The following TPCN2 variants were observed in gnomAD, a reference collection of about 807,000 sequenced individuals.
TPCN2 encodes the protein two pore segment channel 2, also known as two pore channel protein 2.
Under a neutral mutation model 111.4 loss-of-function variants are expected in TPCN2, and 92 were observed. That is an observed-to-expected ratio of 0.83 (90% confidence interval 0.70 to 0.98). TPCN2 has a LOEUF of 0.98. TPCN2 is among the 50% of genes least tolerant of loss of function. The pLI is 0.00. For synonymous variants in TPCN2, 405 were observed against 414.5 expected (o/e 0.98, Z 0.28); for missense variants, 995 against 980.1 (o/e 1.02, Z -0.20).
In TPCN2 at chr11:69,081,446, A is replaced by G. The variant is rs1856005598; in HGVS notation, c.1636A>G (p.Met546Val). 3 of 1,574,372 alleles carry G rather than the reference A, an allele frequency of 1.9e-6. No homozygotes were observed. Among genetic ancestry groups the G allele is most frequent in the Non-Finnish European group, 1.7e-6 (2 of 1,159,868 alleles). The change falls in exon 18 of 25, where the codon ATG becomes GTG. Residue 546 changes from methionine (M) to valine (V), a missense_variant. Coordinates refer to ENST00000294309, the MANE Select transcript of TPCN2 (RefSeq NM_139075.4). ...GCTGTCGCTGTGGGACATGACCCGC[A>G]TGCTGAACATGCTCATCGTGTTCCG... ...GLLSLWDMTR[M>V]LNMLIVFRFL...
intron 19 of TPCN2, chr11:69,084,832 C>A (rs1328416968): frequency 4.1e-6 from 4 of 982,592 alleles, no homozygotes; most frequent in African/African-American, 1.7e-5. Flanking sequence ...GCAGAGGAAA[C>A]TGAGGCCCAG....
At chr11:69,062,285 C>A (rs147527317) in intron 5 of TPCN2, among the ~76,000 whole-genome samples, 1 of 152,124 alleles carries the variant, frequency 6.6e-6, no homozygotes, top group African/African-American at 2.4e-5. Context: ...GCTTCCAACA[C>A]GGGGAGTCAG....
intron 7 of TPCN2, among the ~76,000 whole-genome samples, chr11:69,065,315 G>C (rs983132740): frequency 6.6e-6 from 1 of 152,230 alleles, no homozygotes; most frequent in African/African-American, 2.4e-5. Context: ...CGTCAGTGTG[G>C]GTGCTGGAAG....
chr11:69,066,327 A>T (rs77215894), intron 7 of TPCN2, among the ~76,000 whole-genome samples: 5,898 of 152,130 alleles, frequency 0.039, 241 homozygotes, highest in East Asian at 0.12. Context: ...GCTTGGGCTG[A>T]GGCCCAGGAG....
intron 7 of TPCN2, among the ~76,000 whole-genome samples, chr11:69,065,796 A>C (rs957158212): frequency 2.6e-5 from 4 of 152,140 alleles, no homozygotes; most frequent in African/African-American, 9.7e-5. Flanking sequence ...AGCAGCCGTG[A>C]TGGTGCTGTC....
intron 17 of TPCN2, among the ~76,000 whole-genome samples, chr11:69,081,181 G>T (rs918940375): frequency 6.6e-6 from 1 of 152,082 alleles, no homozygotes; most frequent in African/African-American, 2.4e-5. Context: ...GATGGGGGTC[G>T]CTCCGGGGCT....
At chr11:69,053,908 A>G in intron 1 of TPCN2, 125 bp from the exon 2 acceptor site, 1 of 771,746 alleles carries the variant, frequency 1.3e-6, no homozygotes. Flanking sequence ...TGCCGGGTGG[A>G]GTCATCTCTT....
intron 5 of TPCN2, among the ~76,000 whole-genome samples, chr11:69,058,481 G>A (rs562470122): frequency 6.6e-6 from 1 of 151,772 alleles, no homozygotes; most frequent in South Asian, 2.1e-4. Context: ...GGTGGGCGCT[G>A]GTGCCTCCCA....
rs368777708 is a variant in TPCN2 at position 69,085,828 on chromosome 11, G to C, written c.1921-20G>C. ...CCTACCTCCTGGGCCCTCCTGGACCGCTGGTCTCTGCCCCCGCAGGCTGCC... is the reference window on the plus strand; with the variant it reads ...CCTACCTCCTGGGCCCTCCTGGACCCCTGGTCTCTGCCCCCGCAGGCTGCC... On this transcript the variant is annotated intron_variant, in intron 21 of 24. Coordinates refer to ENST00000294309, the MANE Select transcript of TPCN2 (RefSeq NM_139075.4). 5.3e-5 allele frequency: 85 copies of C among 1,613,638 alleles called. No homozygotes were observed. Among genetic ancestry groups the C allele is most frequent in the South Asian group, 1.5e-4 (14 of 91,082 alleles).
At chr11:69,084,470 C>T (rs1183237374) in intron 19 of TPCN2, among the ~76,000 whole-genome samples, 1 of 152,242 alleles carries the variant, frequency 6.6e-6, no homozygotes, top group Non-Finnish European at 1.5e-5. Flanking sequence ...TGAGCGAGAA[C>T]TGTGGGACGC....
intron 17 of TPCN2, among the ~76,000 whole-genome samples, chr11:69,080,438 C>T (rs1439892047): frequency 1.3e-5 from 2 of 152,220 alleles, no homozygotes; most frequent in African/African-American, 4.8e-5. Context: ...CATGAAGAGA[C>T]AACCTGGGCA....
intron 2 of TPCN2, 70 bp from the exon 3 acceptor site, chr11:69,054,651 G>A: frequency 7.0e-7 from 1 of 1,423,182 alleles, no homozygotes; most frequent in Non-Finnish European, 9.9e-7. Context: ...CTCGTGTGTG[G>A]TGTGGGGCTC....
chr11:69,072,661 C>T lies in TPCN2; in HGVS notation c.1096C>T (p.Leu366Phe). 6.2e-7 allele frequency: 1 copy of T among 1,613,882 alleles called. No homozygotes were observed. Among genetic ancestry groups the T allele is most frequent in the Non-Finnish European group, 8.5e-7 (1 of 1,180,014 alleles). ...GVKPQNLLQV[L>F]QKVQLDSSHK... ...GAAGCCCCAGAACTTGCTGCAGGTGCTTCAGAAGGTCCAGCTGGACAGCTC... is the reference window on the plus strand; with the variant it reads ...GAAGCCCCAGAACTTGCTGCAGGTGTTTCAGAAGGTCCAGCTGGACAGCTC... Residue 366 changes from leucine (L) to phenylalanine (F), a missense_variant, in exon 12 of 25, where the codon CTT becomes TTT. Leu to Phe is a conservative substitution (Grantham distance 22). Coordinates refer to ENST00000294309, the MANE Select transcript of TPCN2 (RefSeq NM_139075.4).
At position 69,078,982 on chromosome 11, in the gene TPCN2, A is replaced by C. The variant is rs747136748; in HGVS notation, c.1501A>C (p.Ser501Arg). ...CCTGCGAGGGTACCTGTCCTACCCC[A>C]GCAACGTGTTTGACGGGCTCCTCAC... ...LGLRGYLSYP[S>R]NVFDGLLTVV... Residue 501 changes from serine to arginine, a missense_variant, in exon 16 of 25, where the codon AGC becomes CGC. Transcript: ENST00000294309. The C allele has an allele frequency of 1.2e-5, 20 of 1,613,628 alleles. No homozygotes were observed. The East Asian group carries it at 4.0e-4, about 32-fold the overall frequency.
At chr11:69,087,672 G>A (rs1033428211) in intron 24 of TPCN2, among the ~76,000 whole-genome samples, 4 of 152,144 alleles carry the variant, frequency 2.6e-5, no homozygotes, top group African/African-American at 4.8e-5. Flanking sequence ...GTGGGAAGAC[G>A]TGGCCCCTGG....
intron 4 of TPCN2, among the ~76,000 whole-genome samples, chr11:69,055,868 A>G (rs1157925185): frequency 6.6e-6 from 1 of 152,204 alleles, no homozygotes; most frequent in Non-Finnish European, 1.5e-5. Context: ...GTCCCTCCTC[A>G]AGGCTCACCC....
intron 6 of TPCN2, 74 bp downstream of exon 6, chr11:69,063,064 G>C: frequency 7.5e-7 from 1 of 1,331,388 alleles, no homozygotes. Context: ...GGTTGCGGGT[G>C]GGGCCCACCG....
Position 69,054,474 on chromosome 11 carries a change from C to T in TPCN2, c.175-247C>T, listed in dbSNP as rs982494647. 8.7e-6 allele frequency: 5 copies of T among 575,356 alleles called. No homozygotes were observed. In the Admixed American group the frequency reaches 1.2e-4, roughly 14 times the overall value. The allele number at this position is 575,356 out of a possible 1,614,324, so 35.6% of individuals were successfully genotyped here. On this transcript the variant is annotated intron_variant, in intron 2 of 24. Transcript: ENST00000294309. ...CAGCTGTGCTCTCAGCAAGTGTTCC[C>T]TGAGTGTTTGCTCACGCACCCACCC... is the stretch of plus-strand genomic sequence containing the variant.
intron 9 of TPCN2, among the ~76,000 whole-genome samples, chr11:69,070,736 GGATCCCCCACCAACAGCTTCACCCCAGA>G (rs1202683957): frequency 7.0e-6 from 1 of 143,848 alleles, no homozygotes; most frequent in Non-Finnish European, 1.5e-5. Context: ...TTCACCCCAG[GGATCCCCCACCAACAGCTTCACCCCAGA>G]GATCCCCCAC....
Sources: gnomAD v4.1 joint callset for allele counts (sites outside exome capture counted in the v4.1 genomes callset) on GRCh38, gnomAD v4.1.1 for gene constraint, MANE v1.5 for transcripts, NCBI Gene and HGNC (gene_info 2026-07-23, HGNC 2026-07-21) for gene names.